The following B4GALNT1 variants were observed in gnomAD, a reference collection of about 807,000 sequenced individuals.
B4GALNT1 encodes beta-1,4-N-acetyl-galactosaminyltransferase 1.
A neutral mutation model predicts 55.2 loss-of-function variants in B4GALNT1; 43 were observed. That is an observed-to-expected ratio of 0.78 (90% CI 0.61 to 1.00). B4GALNT1 has a LOEUF of 1.00. Ranked by LOEUF, B4GALNT1 falls within the 50% of genes least tolerant of loss-of-function variation. The probability of loss-of-function intolerance (pLI) is 0.00; values close to 1 mark genes in which losing one functional copy is unlikely to be tolerated. For missense variants in B4GALNT1, 664 were observed against 729.7 expected (o/e 0.91, Z 1.04); for synonymous variants, 305 against 311.6 (o/e 0.98, Z 0.22).
In B4GALNT1 at chr12:57,623,540, C is replaced by T. The variant is rs1317490770; in HGVS notation, c.*3204G>A. 2 of 491,054 alleles carry T rather than the reference C, an allele frequency of 4.1e-6. No homozygotes were observed. The highest frequency in any genetic ancestry group is 3.7e-5 in the Admixed American group (1 of 26,800). 30.4% of individuals were successfully genotyped at this position (491,054 alleles called of 1,614,324 possible). ...TTGCTGGTGCCCTAAACACATATAC[C>T]CTGCTTATAGGGTAACCCAACAGTG... is the stretch of plus-strand genomic sequence containing the variant. On this transcript the variant is annotated 3_prime_UTR_variant, in exon 11 of 11. Transcript: ENST00000341156.
At position 57,625,569 on chromosome 12, in the gene B4GALNT1, C is replaced by T. The variant is rs1014921849; in HGVS notation, c.*1175G>A. 2 of 1,602,662 alleles carry T rather than the reference C, an allele frequency of 1.2e-6. No homozygotes were observed. The highest frequency in any genetic ancestry group is 1.1e-5 in the South Asian group (1 of 89,594). On this transcript the variant is annotated 3_prime_UTR_variant, in exon 11 of 11. Coordinates refer to ENST00000341156, the MANE Select transcript of B4GALNT1 (RefSeq NM_001478.5). ...GACTTAGGGTCTCAGAGTCTGACAC[C>T]CTCCCCACATAGCCTTGGTGCAGGG...
At position 57,631,928 on chromosome 12, in the gene B4GALNT1, C is replaced by T; in HGVS notation, c.205G>A (p.Glu69Lys). 1 of 1,435,080 alleles carries T rather than the reference C, an allele frequency of 7.0e-7. No individual in the cohort carries two copies. The highest frequency in any genetic ancestry group is 9.1e-7 in the Non-Finnish European group (1 of 1,094,204). 88.9% of individuals were successfully genotyped at this position (1,435,080 alleles called of 1,614,324 possible). ...GTCGGCACTCACCCCACTACTTGCTCCTTGATCCTGACCGGGATGTGTGCG... is the reference window on the plus strand; with the variant it reads ...GTCGGCACTCACCCCACTACTTGCTTCTTGATCCTGACCGGGATGTGTGCG... ...RYAHIPVRIK[E>K]QVVGLLAWNN... The change falls in exon 2 of 11, where the codon GAG becomes AAG. Residue 69 changes from glutamate (E) to lysine (K), a missense_variant. Coordinates refer to ENST00000341156, the MANE Select transcript of B4GALNT1 (RefSeq NM_001478.5).
At chr12:57,632,470 G>A in intron 1 of B4GALNT1, 1 of 410,138 alleles carries the variant, frequency 2.4e-6, no homozygotes, top group Admixed American at 3.8e-5. Context: ...GCTCTATCAG[G>A]GCAGTGGCAG....
At chr12:57,628,335 C>T (rs559781316) in intron 8 of B4GALNT1, 73 bp from the exon 9 acceptor site, 19 of 1,593,768 alleles carry the variant, frequency 1.2e-5, no homozygotes, top group Non-Finnish European at 1.5e-5. Context: ...TTCTTTCTCT[C>T]CCCCGACCCT....
At chr12:57,631,419 T>A in intron 2 of B4GALNT1, 55 bp from the exon 3 acceptor site, 4 of 1,594,914 alleles carry the variant, frequency 2.5e-6, no homozygotes, top group Non-Finnish European at 3.4e-6. Flanking sequence ...GCTCCATTCA[T>A]CCCATAAACA....
chr12:57,630,445 A>G, intron 5 of B4GALNT1, 33 bp downstream of exon 5: 2 of 1,601,792 alleles, frequency 1.2e-6, no homozygotes, highest in Non-Finnish European at 1.7e-6. Context: ...CTTGATGCCT[A>G]CTTGGCCTCC....
At chr12:57,631,684 C>A (rs548700771) in intron 2 of B4GALNT1, among the ~76,000 whole-genome samples, 1 of 152,274 alleles carries the variant, frequency 6.6e-6, no homozygotes. Context: ...AGGGCCCTCC[C>A]TTGACTGCAC....
intron 4 of B4GALNT1, 139 bp from the exon 5 acceptor site, chr12:57,630,657 A>G (rs943623058): frequency 1.1e-4 from 122 of 1,074,426 alleles, no homozygotes; most frequent in Non-Finnish European, 1.5e-4. Context: ...GGCACACTGT[A>G]TAACATAGCC....
Position 57,624,739 on chromosome 12 carries a change from A to C in B4GALNT1, c.*2005T>G, listed in dbSNP as rs1293912524. 1.1e-6 allele frequency: 1 copy of C among 893,590 alleles called. No homozygotes were observed. Among genetic ancestry groups the C allele is most frequent in the Non-Finnish European group, 1.9e-6 (1 of 523,128 alleles). The allele number at this position is 893,590 out of a possible 1,614,324, so 55.4% of individuals were successfully genotyped here. On this transcript the variant is annotated 3_prime_UTR_variant, in exon 11 of 11. Transcript: ENST00000341156. ...TCTTCCCTAGGGTGTAGTGCCTGGC[A>C]CTTGGACAGGCTGAGGGGACAGAGC...
rs370107238 is a variant in B4GALNT1 at position 57,627,865 on chromosome 12, G to A, written c.1144-7C>T. On this transcript the variant is annotated splice_polypyrimidine_tract_variant and splice_region_variant and intron_variant, in intron 9 of 10. Transcript: ENST00000341156. ...CGCGCACCGCGCCCCCCACCTGCAG[G>A]GAGAGGGAGGTTGCCTCCAGGCGGG... 453 of 1,572,254 alleles carry A rather than the reference G, an allele frequency of 2.9e-4. 1 individual carries two copies. The highest frequency in any genetic ancestry group is 3.7e-4 in the Non-Finnish European group (430 of 1,158,372).
In B4GALNT1 at chr12:57,632,283, C is replaced by T. The variant is rs1179238187; in HGVS notation, c.-1-150G>A. On this transcript the variant is annotated intron_variant, in intron 1 of 10. Coordinates refer to ENST00000341156, the MANE Select transcript of B4GALNT1 (RefSeq NM_001478.5). ...TCGCGCTAGGGTTTGCACTGCCAGC[C>T]GCGGTTTTCCCGGTACCCCTCCCCT... 1.9e-5 allele frequency: 15 copies of T among 809,588 alleles called. No individual in the cohort carries two copies. In the Admixed American group the frequency reaches 2.8e-4, roughly 15 times the overall value. The allele number at this position is 809,588 out of a possible 1,614,324, so 50.2% of individuals were successfully genotyped here.
Position 57,625,617 on chromosome 12 carries a change from C to T in B4GALNT1, c.*1127G>A. 1 of 1,592,648 alleles carries T rather than the reference C, an allele frequency of 6.3e-7. No individual in the cohort carries two copies. The highest frequency in any genetic ancestry group is 1.3e-5 in the African/African-American group (1 of 74,698). On this transcript the variant is annotated 3_prime_UTR_variant, in exon 11 of 11. Transcript: ENST00000341156. Reference sequence around the variant, plus strand: ...GGGGACACTGACCCGGGTAGGACTCCTGGACAGGGTGACTCCAGATCAGCT... The same window carrying T: ...GGGGACACTGACCCGGGTAGGACTCTTGGACAGGGTGACTCCAGATCAGCT...
Position 57,624,548 on chromosome 12 carries a change from T to G in B4GALNT1, c.*2196A>C. 3.1e-6 allele frequency: 2 copies of G among 637,762 alleles called. No individual in the cohort carries two copies. The highest frequency in any genetic ancestry group is 3.1e-6 in the Non-Finnish European group (1 of 327,500). 39.5% of individuals were successfully genotyped at this position (637,762 alleles called of 1,614,324 possible). ...GGCAGTAGTGACCCTGAGTGTGGATTTGGGCCTGGCTGTGGGTGTGGTCTT... is the reference window on the plus strand; with the variant it reads ...GGCAGTAGTGACCCTGAGTGTGGATGTGGGCCTGGCTGTGGGTGTGGTCTT... On this transcript the variant is annotated 3_prime_UTR_variant, in exon 11 of 11. Coordinates refer to ENST00000341156, the MANE Select transcript of B4GALNT1 (RefSeq NM_001478.5).
In B4GALNT1 at chr12:57,627,990, C is replaced by G; in HGVS notation, c.1143+132G>C. The G allele has an allele frequency of 2.7e-6, 4 of 1,483,450 alleles. No individual in the cohort carries two copies. The East Asian group carries it at 9.7e-5, about 36-fold the overall frequency. 91.9% of individuals were successfully genotyped at this position (1,483,450 alleles called of 1,614,324 possible). A position where few individuals can be genotyped will look rare whatever the true frequency, so the allele number is the denominator to read the frequency against. On this transcript the variant is annotated intron_variant, in intron 9 of 10. Transcript: ENST00000341156. ...CCGCTTCACCCCTGCAGGACCCAGA[C>G]AGTTCCCAGGCCCCACTTCGTGGTT...
chr12:57,623,904 T>C lies in B4GALNT1; in HGVS notation c.*2840A>G. On this transcript the variant is annotated 3_prime_UTR_variant, in exon 11 of 11. Coordinates refer to ENST00000341156, the MANE Select transcript of B4GALNT1 (RefSeq NM_001478.5). ...TGTGGCTGGGGCCCTTCTTTTACTA[T>C]CTGCCCAAGGTAATGAGCAGAGGAG... 1.2e-6 allele frequency: 2 copies of C among 1,614,024 alleles called. No individual in the cohort carries two copies. Among genetic ancestry groups the C allele is most frequent in the Non-Finnish European group, 1.7e-6 (2 of 1,179,966 alleles).
Position 57,629,117 on chromosome 12 carries a change from C to T in B4GALNT1, c.742G>A (p.Ala248Thr). 2 of 1,597,858 alleles carry T rather than the reference C, an allele frequency of 1.3e-6. No individual in the cohort carries two copies. Among genetic ancestry groups the T allele is most frequent in the South Asian group, 1.1e-5 (1 of 89,892 alleles). The change falls in exon 7 of 11, where the codon GCT becomes ACT. Residue 248 changes from alanine (A) to threonine (T), a missense_variant. Coordinates refer to ENST00000341156, the MANE Select transcript of B4GALNT1 (RefSeq NM_001478.5). The part of the protein sequence containing the change: ...VRFSTEGHEA[A>T]FTIRIRHPPN... ...GGGTGTCTTATGCGGATAGTGAAAGCAGCCTCATGTCCCTCGGTGGAGAAC... is the reference window on the plus strand; with the variant it reads ...GGGTGTCTTATGCGGATAGTGAAAGTAGCCTCATGTCCCTCGGTGGAGAAC...
At position 57,624,743 on chromosome 12, in the gene B4GALNT1, G is replaced by T; in HGVS notation, c.*2001C>A. The T allele has an allele frequency of 3.3e-6, 3 of 913,166 alleles. No individual in the cohort carries two copies. The highest frequency in any genetic ancestry group is 5.5e-6 in the Non-Finnish European group (3 of 540,990). 56.6% of individuals were successfully genotyped at this position (913,166 alleles called of 1,614,324 possible). ...CCCTAGGGTGTAGTGCCTGGCACTT[G>T]GACAGGCTGAGGGGACAGAGCTCTA... On this transcript the variant is annotated 3_prime_UTR_variant, in exon 11 of 11. Transcript: ENST00000341156.
rs368931577 is a variant in B4GALNT1, at chr12:57,626,813, G to A, written c.1533C>T (p.Asp511=). ...YARYRYPGSL[D]ESQMAKHRLL... ...GCCGGTGTTTGGCCATCTGGCTCTCGTCCAGTGATCCTGGGTAACGGTACC... is the reference window on the plus strand; with the variant it reads ...GCCGGTGTTTGGCCATCTGGCTCTCATCCAGTGATCCTGGGTAACGGTACC... Residue 511 remains aspartate (D), a synonymous_variant, in exon 11 of 11, where the codon GAC becomes GAT. Coordinates refer to ENST00000341156, the MANE Select transcript of B4GALNT1 (RefSeq NM_001478.5). 15 of 1,614,220 alleles carry A rather than the reference G, an allele frequency of 9.3e-6. No individual in the cohort carries two copies. The highest frequency in any genetic ancestry group is 6.7e-5 in the African/African-American group (5 of 75,062).
chr12:57,630,025 TTG>T (rs1267575554), intron 6 of B4GALNT1, 125 bp downstream of exon 6: 1 of 1,571,120 alleles, frequency 6.4e-7, no homozygotes, highest in Admixed American at 1.9e-5. Flanking sequence ...GAAGCACCCA[TTG>T]TGTGGCTGGA....
Sources: gnomAD v4.1 joint callset for allele counts (sites outside exome capture counted in the v4.1 genomes callset) on GRCh38, gnomAD v4.1.1 for gene constraint, MANE v1.5 for transcripts, NCBI Gene and HGNC (gene_info 2026-07-23, HGNC 2026-07-21) for gene names.